Variants in PDE10A observed in about 807,000 individuals in gnomAD.
PDE10A encodes phosphodiesterase 10A.
PDE10A carries 39 observed loss-of-function variants against 97.7 expected under a neutral mutation model. The ratio of observed to expected loss-of-function variants is 0.40; its 90% CI spans 0.31 to 0.52. The LOEUF is 0.52. PDE10A is among the 20% of genes least tolerant of loss of function. The pLI, the probability that PDE10A is intolerant of heterozygous loss-of-function variation, is 0.56. For missense variants in PDE10A, 731 were observed against 1,047.8 expected, an observed-to-expected ratio of 0.70 and a Z score of 4.17; for synonymous variants, 371 against 376.8, an observed-to-expected ratio of 0.98 and a Z score of 0.18.
intron 2 of PDE10A, among the ~76,000 whole-genome samples, chr6:165,513,024 G>C (rs1781587881): frequency 2.0e-5 from 3 of 151,892 alleles, no homozygotes; most frequent in Non-Finnish European, 4.4e-5. Flanking sequence ...TTTTGTTTAA[G>C]AATCCTTTAT....
intron 1 of PDE10A, among the ~76,000 whole-genome samples, chr6:165,554,689 T>C (rs1056425692): frequency 6.6e-6 from 1 of 152,036 alleles, no homozygotes; most frequent in African/African-American, 2.4e-5. Flanking sequence ...AGGAAATCAG[T>C]ATATCGATGA....
chr6:165,622,320 A>T (rs1241477880), intron 1 of PDE10A, among the ~76,000 whole-genome samples: 4 of 151,976 alleles, frequency 2.6e-5, no homozygotes, highest in Non-Finnish European at 5.9e-5. Context: ...GTGTCACTTA[A>T]TGGAAACACG....
intron 1 of PDE10A, among the ~76,000 whole-genome samples, chr6:165,745,881 G>T (rs1181474231): frequency 6.6e-6 from 1 of 152,254 alleles, no homozygotes; most frequent in Non-Finnish European, 1.5e-5. Flanking sequence ...CAGAAGGATA[G>T]TGGTAAGATG....
At chr6:165,384,677 G>GA (rs1785170540) in intron 17 of PDE10A, among the ~76,000 whole-genome samples, 4 of 119,800 alleles carry the variant, frequency 3.3e-5, no homozygotes, top group African/African-American at 1.4e-4. Flanking sequence ...TGTATGGGGG[G>GA]GGGCGACTAA....
intron 1 of PDE10A, among the ~76,000 whole-genome samples, chr6:165,685,592 T>C (rs556124845): frequency 6.6e-6 from 1 of 152,284 alleles, no homozygotes; most frequent in Non-Finnish European, 1.5e-5. Flanking sequence ...AAATGTTTTG[T>C]GTATGTTCCT....
chr6:165,653,408 A>T (rs1041315217), intron 1 of PDE10A, among the ~76,000 whole-genome samples: 1 of 152,190 alleles, frequency 6.6e-6, no homozygotes, highest in African/African-American at 2.4e-5. Context: ...TGCAGGGAAA[A>T]AGGGTTCCAG....
intron 1 of PDE10A, among the ~76,000 whole-genome samples, chr6:165,591,943 G>T (rs1440570721): frequency 1.3e-5 from 2 of 152,122 alleles, no homozygotes; most frequent in African/African-American, 4.8e-5. Flanking sequence ...AGTAGCATAT[G>T]AAAAACACTC....
chr6:165,435,763 A>C (rs574757934), intron 5 of PDE10A, among the ~76,000 whole-genome samples: 2 of 152,302 alleles, frequency 1.3e-5, no homozygotes, highest in East Asian at 3.9e-4. Flanking sequence ...TGTTACCTGA[A>C]GACAGAATCA....
intron 1 of PDE10A, among the ~76,000 whole-genome samples, chr6:165,806,891 A>G (rs568504603): frequency 6.6e-6 from 1 of 152,282 alleles, no homozygotes; most frequent in South Asian, 2.1e-4. Context: ...GGAATCTTTA[A>G]CATTGAAGTG....
At chr6:165,978,770 A>G (rs1784920668) in intron 1 of PDE10A, among the ~76,000 whole-genome samples, 1 of 152,200 alleles carries the variant, frequency 6.6e-6, no homozygotes, top group Non-Finnish European at 1.5e-5. Flanking sequence ...TAATAACGTT[A>G]TATCATTGTT....
chr6:165,769,731 TA>T (rs1249920731), intron 1 of PDE10A, among the ~76,000 whole-genome samples: 2 of 152,192 alleles, frequency 1.3e-5, no homozygotes, highest in Non-Finnish European at 1.5e-5. Flanking sequence ...ATCTGACATC[TA>T]AACCAAAGTT....
At chr6:165,618,735 G>T (rs1022059466) in intron 1 of PDE10A, among the ~76,000 whole-genome samples, 3 of 152,200 alleles carry the variant, frequency 2.0e-5, no homozygotes, top group Non-Finnish European at 4.4e-5. Flanking sequence ...GGGGTGATTT[G>T]TACAGCTTCC....
At chr6:165,901,630 C>G (rs1782108543) in intron 1 of PDE10A, among the ~76,000 whole-genome samples, 1 of 152,180 alleles carries the variant, frequency 6.6e-6, no homozygotes, top group Admixed American at 6.5e-5. Flanking sequence ...CGGAGAAACT[C>G]TGTCTCTACT....
intron 1 of PDE10A, among the ~76,000 whole-genome samples, chr6:165,920,543 T>TACAC (rs55746374): frequency 0.066 from 9,841 of 149,316 alleles, 409 homozygotes; most frequent in South Asian, 0.21. Context: ...AGACTGGGCT[T>TACAC]ACACACACAC....
intron 1 of PDE10A, among the ~76,000 whole-genome samples, chr6:165,712,307 G>A (rs1791914610): frequency 6.6e-6 from 1 of 152,180 alleles, no homozygotes; most frequent in African/African-American, 2.4e-5. Context: ...CCGAAGAGTA[G>A]GCTACTCATC....
intron 15 of PDE10A, 74 bp from the exon 16 acceptor site, chr6:165,392,870 G>A: frequency 7.5e-7 from 1 of 1,333,182 alleles, no homozygotes; most frequent in Non-Finnish European, 1.1e-6. Flanking sequence ...CCCTAGTTTA[G>A]GTACATATAT....
intron 13 of PDE10A, among the ~76,000 whole-genome samples, chr6:165,400,636 T>TG (rs1786579528): frequency 2.0e-5 from 3 of 152,218 alleles, no homozygotes. Context: ...ACAGTCACTT[T>TG]GGTAAACAGT....
intron 2 of PDE10A, among the ~76,000 whole-genome samples, chr6:165,523,818 C>A (rs1219813397): frequency 6.6e-6 from 1 of 152,090 alleles, no homozygotes; most frequent in Non-Finnish European, 1.5e-5. Flanking sequence ...AACAAACAGA[C>A]CATTGTGACG....
At chr6:165,513,235 TAC>T (rs1562536035) in intron 2 of PDE10A, among the ~76,000 whole-genome samples, 3 of 152,042 alleles carry the variant, frequency 2.0e-5, no homozygotes, top group African/African-American at 7.2e-5. Flanking sequence ...CAGAAAAGTA[TAC>T]AGTCTTTATA....
Sources: gnomAD v4.1 joint callset for allele counts (sites outside exome capture counted in the v4.1 genomes callset) on GRCh38, gnomAD v4.1.1 for gene constraint, MANE v1.5 for transcripts, NCBI Gene and HGNC (gene_info 2026-07-23, HGNC 2026-07-21) for gene names.